The following ZNF407 variants were observed in gnomAD, a reference collection of about 807,000 sequenced individuals.
ZNF407 encodes the protein zinc finger protein 407.
In ZNF407, 17 loss-of-function variants were observed where a neutral mutation model predicts 131.2. The observed-to-expected ratio is 0.13, with a 90% confidence interval of 0.09 to 0.19. The LOEUF is 0.19. Among genes scored for constraint, ZNF407 ranks in the 10% least tolerant of loss-of-function variants. The pLI, the probability that ZNF407 is intolerant of heterozygous loss-of-function variation, is 1.00. For missense variants in ZNF407, 2,681 were observed against 2,830.6 expected, an observed-to-expected ratio of 0.95 and a Z score of 1.20; for synonymous variants, 1,156 against 1,062.0, an observed-to-expected ratio of 1.09 and a Z score of -1.72.
intron 8 of ZNF407, among the ~76,000 whole-genome samples, chr18:74,966,476 G>T (rs61019476): frequency 0.16 from 23,993 of 152,084 alleles, 2,136 homozygotes; most frequent in Admixed American, 0.27. Flanking sequence ...TTCACCGTAG[G>T]TATGTGGATT....
chr18:74,890,948 T>C (rs1271254309), intron 7 of ZNF407, among the ~76,000 whole-genome samples: 1 of 152,204 alleles, frequency 6.6e-6, no homozygotes, highest in Non-Finnish European at 1.5e-5. Context: ...TGGGAGGTCA[T>C]GGATGTTCAG....
intron 3 of ZNF407, among the ~76,000 whole-genome samples, chr18:74,661,975 C>T (rs529285897): frequency 9.9e-5 from 15 of 151,730 alleles, no homozygotes; most frequent in African/African-American, 3.4e-4. Context: ...GTGGGACATT[C>T]GCGTGCACTC....
chr18:74,791,320 AT>A (rs551811425), intron 4 of ZNF407, among the ~76,000 whole-genome samples: 5 of 152,240 alleles, frequency 3.3e-5, no homozygotes, highest in South Asian at 2.1e-4. Flanking sequence ...CTAATTTTAT[AT>A]AGAAATGCTT....
rs1040725504 is a variant in ZNF407 at position 75,048,470 on chromosome 18, G to A, written c.5429-14680G>A. On this transcript the variant is annotated intron_variant, in intron 8 of 8. Coordinates refer to ENST00000299687, the MANE Select transcript of ZNF407 (RefSeq NM_017757.3). The surrounding 1 kb of genome is among the most constrained non-coding windows in gnomAD (Gnocchi z 4.1). The stretch of plus-strand genomic sequence containing the variant: ...TTCTCAGCCTCCCACGCAGCACCCA[G>A]GTGACTTCAACCCTCAGGTGTTTGG... 1.3e-5 allele frequency among the ~76,000 whole-genome samples: 2 copies of A among 152,096 alleles called. No homozygotes were observed. Among genetic ancestry groups the A allele is most frequent in the African/African-American group, 4.8e-5 (2 of 41,398 alleles).
At chr18:74,766,648 A>T (rs1209892969) in intron 3 of ZNF407, among the ~76,000 whole-genome samples, 1 of 152,212 alleles carries the variant, frequency 6.6e-6, no homozygotes, top group East Asian at 1.9e-4. Flanking sequence ...AACTAAAGAA[A>T]AAAAGAAGAT....
chr18:74,875,858 A>G (rs569278692), intron 4 of ZNF407, among the ~76,000 whole-genome samples: 2 of 152,204 alleles, frequency 1.3e-5, no homozygotes, highest in Non-Finnish European at 2.9e-5. Context: ...ATTCTTAAAT[A>G]TTTAACTATT....
intron 7 of ZNF407, chr18:74,897,936 G>T (rs1352968010): frequency 6.6e-6 from 1 of 152,170 alleles, no homozygotes; most frequent in Non-Finnish European, 1.5e-5. Context: ...GTATATAAAA[G>T]TTTGTACTTT....
intron 8 of ZNF407, among the ~76,000 whole-genome samples, chr18:74,993,655 ATGTT>A (rs1972744924): frequency 1.3e-5 from 2 of 152,238 alleles, no homozygotes; most frequent in Admixed American, 6.5e-5. Context: ...GTTTTAAAAA[ATGTT>A]TGAAGCTAAA....
At chr18:74,980,567 A>G (rs1454748276) in intron 8 of ZNF407, among the ~76,000 whole-genome samples, 1 of 152,056 alleles carries the variant, frequency 6.6e-6, no homozygotes, top group South Asian at 2.1e-4. Flanking sequence ...TCGGCCTCCT[A>G]AAGTGCTGAG....
In ZNF407 at chr18:74,987,396, T is replaced by C. The variant is rs138127268; in HGVS notation, c.5428+66704T>C. ...GGTCTTACTGTATTACCAAACCCAG[T>C]AAGATTGTACGCGAGGAACGGTGAG... On this transcript the variant is annotated intron_variant, in intron 8 of 8. Coordinates refer to ENST00000299687, the MANE Select transcript of ZNF407 (RefSeq NM_017757.3). 2.9e-3 allele frequency among the ~76,000 whole-genome samples: 447 copies of C among 152,284 alleles called. 1 individual carries two copies. Among genetic ancestry groups the C allele is most frequent in the Middle Eastern group, 6.8e-3 (2 of 294 alleles).
rs537772500 is a variant in ZNF407, at chr18:74,727,730, C to T, written c.4803-53698C>T. Among the ~76,000 whole-genome samples, 36 of 152,280 alleles carry T rather than the reference C, an allele frequency of 2.4e-4. No individual in the cohort carries two copies. In the South Asian group the frequency reaches 6.4e-3, roughly 27 times the overall value. ...TATGCAGATAGCAAGTCGCCATGCG[C>T]GGCAGGTAAGGAGTTTAGGATTCAT... On this transcript the variant is annotated intron_variant, in intron 3 of 8. Coordinates refer to ENST00000299687, the MANE Select transcript of ZNF407 (RefSeq NM_017757.3).
At chr18:74,993,158 C>G (rs1345598618) in intron 8 of ZNF407, among the ~76,000 whole-genome samples, 1 of 151,902 alleles carries the variant, frequency 6.6e-6, no homozygotes, top group Non-Finnish European at 1.5e-5. Context: ...GGGATAAAAG[C>G]AAAAAGCATA....
chr18:74,666,286 C>A (rs1473310025), intron 3 of ZNF407, among the ~76,000 whole-genome samples: 1 of 152,132 alleles, frequency 6.6e-6, no homozygotes, highest in African/African-American at 2.4e-5. Context: ...CTACAGGCAG[C>A]AGCCAGTGGA....
chr18:74,994,185 A>T (rs561966111), intron 8 of ZNF407, among the ~76,000 whole-genome samples: 1 of 152,322 alleles, frequency 6.6e-6, no homozygotes, highest in African/African-American at 2.4e-5. Flanking sequence ...TAGGAAGCTC[A>T]CAAGTATTCA....
intron 8 of ZNF407, among the ~76,000 whole-genome samples, chr18:74,952,557 G>A (rs967720426): frequency 1.3e-5 from 2 of 152,184 alleles, no homozygotes; most frequent in Admixed American, 1.3e-4. Flanking sequence ...TGCCATGTTG[G>A]GAAAAGAGGC....
At chr18:74,967,263 A>G (rs1380741592) in intron 8 of ZNF407, among the ~76,000 whole-genome samples, 3 of 152,238 alleles carry the variant, frequency 2.0e-5, no homozygotes, top group Non-Finnish European at 2.9e-5. Context: ...AGAAAGAAAG[A>G]CGGATTTGTT....
chr18:74,972,090 C>T (rs1008409453), intron 8 of ZNF407, among the ~76,000 whole-genome samples: 8 of 152,180 alleles, frequency 5.3e-5, no homozygotes, highest in African/African-American at 1.9e-4. Context: ...ATTCAATTAC[C>T]TCCCTCTGGG....
intron 7 of ZNF407, among the ~76,000 whole-genome samples, chr18:74,918,305 G>A (rs1971800032): frequency 6.6e-6 from 1 of 152,136 alleles, no homozygotes; most frequent in Admixed American, 6.5e-5. Flanking sequence ...GAAAACCTAG[G>A]TTAGGATTCT....
chr18:74,931,201 TA>T (rs1264133311), intron 8 of ZNF407, among the ~76,000 whole-genome samples: 1 of 152,160 alleles, frequency 6.6e-6, no homozygotes, highest in African/African-American at 2.4e-5. Flanking sequence ...AAGGAAAACA[TA>T]AGTTGAATTT....
Sources: allele counts gnomAD v4.1 joint callset (sites outside exome capture counted in the v4.1 genomes callset), GRCh38; gene constraint gnomAD v4.1.1; non-coding constraint Gnocchi (gnomAD v3.1); transcripts MANE v1.5; gene names NCBI Gene and HGNC (gene_info 2026-07-23, HGNC 2026-07-21).